The following AGO3 variants were observed in gnomAD, a reference collection of about 807,000 sequenced individuals.
AGO3 encodes the protein protein argonaute-3.
A neutral mutation model predicts 105.5 loss-of-function variants in AGO3; 16 were observed. The ratio of observed to expected loss-of-function variants is 0.15; its 90% CI spans 0.10 to 0.23. The LOEUF (loss-of-function observed/expected upper bound fraction) is 0.23. Ranked by LOEUF, AGO3 falls within the 10% of genes least tolerant of loss-of-function variation. AGO3 has a pLI of 1.00. For missense variants in AGO3, 534 were observed against 1,088.0 expected (o/e 0.49, Z 7.16); for synonymous variants, 340 against 367.3 (o/e 0.93, Z 0.85).
rs1165674643 is a variant in AGO3 at position 35,972,206 on chromosome 1, G to T, written c.495G>T (p.Val165=). Residue 165 remains valine (V), a synonymous_variant, in exon 4 of 19, where the codon GTG becomes GTT. Coordinates refer to ENST00000373191, the MANE Select transcript of AGO3 (RefSeq NM_024852.4). ...CTAACCCTGTCCATGCCGTTGATGTGGTGCTACGACATCTGCCCTCCATGA... is the reference window on the plus strand; with the variant it reads ...CTAACCCTGTCCATGCCGTTGATGTTGTGCTACGACATCTGCCCTCCATGA... ...ISTNPVHAVD[V]VLRHLPSMKY... The T allele has an allele frequency of 5.6e-6, 9 of 1,613,730 alleles. No homozygotes were observed. Among genetic ancestry groups the T allele is most frequent in the Non-Finnish European group, 7.6e-6 (9 of 1,180,008 alleles).
chr1:35,944,641 C>T (rs887503729), intron 1 of AGO3, among the ~76,000 whole-genome samples: 14 of 144,964 alleles, frequency 9.7e-5, no homozygotes. Flanking sequence ...GCTGGAACTA[C>T]AGGCCTGCAC....
Position 36,065,556 on chromosome 1 carries a change from C to T in AGO3, c.*9811C>T. The T allele has an allele frequency of 6.6e-6, 1 of 152,628 alleles. No individual in the cohort carries two copies. The highest frequency in any genetic ancestry group is 1.5e-5 in the Non-Finnish European group (1 of 68,354). 9.5% of individuals were successfully genotyped at this position (152,628 alleles called of 1,614,324 possible). ...CTGGGAGGCGGAGGTTGCAGTGAGC[C>T]AAGATTGCACCGCTGCACTCCAGCC... is the stretch of plus-strand genomic sequence containing the variant. On this transcript the variant is annotated 3_prime_UTR_variant, in exon 19 of 19. Transcript: ENST00000373191.
rs185070927 is a variant in AGO3, at chr1:35,991,432, C to A, written c.659-12909C>A. Among the ~76,000 whole-genome samples, 48 of 152,006 alleles carry A rather than the reference C, an allele frequency of 3.2e-4. 1 individual carries two copies. In the East Asian group the frequency reaches 6.9e-3, roughly 22 times the overall value. On this transcript the variant is annotated intron_variant, in intron 5 of 18. Coordinates refer to ENST00000373191, the MANE Select transcript of AGO3 (RefSeq NM_024852.4). ...CAGCTGTCTTCTTGAGATCACACTT[C>A]ACTGTTGCCCTGGGAATTCCTTTTG...
chr1:36,069,918 A>G lies in AGO3; in HGVS notation c.*14173A>G, dbSNP rs1643139344. On this transcript the variant is annotated 3_prime_UTR_variant, in exon 19 of 19. Coordinates refer to ENST00000373191, the MANE Select transcript of AGO3 (RefSeq NM_024852.4). The stretch of plus-strand genomic sequence containing the variant: ...CTAAAGATACAAAAATTAGCTGGGC[A>G]CGATGGAGGGTGCCTGTAATCCCAG... The G allele has an allele frequency of 6.6e-6, 1 of 152,190 alleles. No individual in the cohort carries two copies. Among genetic ancestry groups the G allele is most frequent in the South Asian group, 2.1e-4 (1 of 4,832 alleles). The allele number at this position is 152,190 out of a possible 1,614,324, so 9.4% of individuals were successfully genotyped here. A position where few individuals can be genotyped will look rare whatever the true frequency, so the allele number is the denominator to read the frequency against.
At chr1:36,036,056 T>C in intron 13 of AGO3, 121 bp from the exon 14 acceptor site, 2 of 754,172 alleles carry the variant, frequency 2.7e-6, no homozygotes. Flanking sequence ...AAAAAAAATT[T>C]GGATTACATA....
chr1:36,020,500 A>G (rs189606372), intron 11 of AGO3, among the ~76,000 whole-genome samples: 7 of 152,334 alleles, frequency 4.6e-5, no homozygotes, highest in African/African-American at 1.2e-4. Flanking sequence ...CCAGAAACCT[A>G]TCTTCAGGAG....
At chr1:35,948,929 A>G (rs1237925642) in intron 2 of AGO3, among the ~76,000 whole-genome samples, 1 of 151,340 alleles carries the variant, frequency 6.6e-6, no homozygotes, top group Non-Finnish European at 1.5e-5. Context: ...GTTTTTATTT[A>G]TTTTATTATT....
At chr1:36,011,809 T>C (rs1159301600) in intron 9 of AGO3, among the ~76,000 whole-genome samples, 1 of 152,200 alleles carries the variant, frequency 6.6e-6, no homozygotes, top group Non-Finnish European at 1.5e-5. Flanking sequence ...ATCATTTTAC[T>C]TTACTGAGCT....
chr1:35,995,954 C>T (rs762147480), intron 5 of AGO3, among the ~76,000 whole-genome samples: 2 of 151,726 alleles, frequency 1.3e-5, no homozygotes, highest in African/African-American at 4.8e-5. Flanking sequence ...GCTGGGATTA[C>T]AGGCATAAGC....
intron 5 of AGO3, chr1:36,004,086 A>C: frequency 3.3e-6 from 1 of 303,232 alleles, no homozygotes; most frequent in Admixed American, 4.8e-5. Flanking sequence ...CACCCAGAAC[A>C]CTTCTCTATA....
intron 1 of AGO3, among the ~76,000 whole-genome samples, chr1:35,934,244 C>T (rs959842497): frequency 3.3e-5 from 5 of 152,160 alleles, no homozygotes; most frequent in African/African-American, 9.7e-5. Context: ...TCTATGTTTT[C>T]AGGTAATGTT....
At position 36,021,067 on chromosome 1, in the gene AGO3, G is replaced by A. The variant is rs576756716; in HGVS notation, c.1407-6047G>A. Among the ~76,000 whole-genome samples the A allele has an allele frequency of 2.6e-5, 4 of 152,118 alleles. No homozygotes were observed. The South Asian group carries it at 8.3e-4, about 32-fold the overall frequency. On this transcript the variant is annotated intron_variant, in intron 11 of 18. Transcript: ENST00000373191. ...CCTGCCTCAGCCTCTCGAGTAGCTG[G>A]TATTACAGGTGTGTGCCACCATGCC...
Position 36,055,261 on chromosome 1 carries a change from G to A in AGO3, c.2474+116G>A. The A allele has an allele frequency of 9.0e-7, 1 of 1,113,508 alleles. No homozygotes were observed. Among genetic ancestry groups the A allele is most frequent in the East Asian group, 2.6e-5 (1 of 38,742 alleles). The allele number at this position is 1,113,508 out of a possible 1,614,324, so 69.0% of individuals were successfully genotyped here. ...GTGATCCATGTGAAAAATGATGACA[G>A]AACTGACTGCCCAAGGTTTCCTATT... is the stretch of plus-strand genomic sequence containing the variant. On this transcript the variant is annotated intron_variant, in intron 18 of 18. Transcript: ENST00000373191. This position sits in a 1 kb window ranked among gnomAD's most constrained non-coding sequence, Gnocchi z 4.4.
intron 3 of AGO3, among the ~76,000 whole-genome samples, chr1:35,967,399 A>ATTTATTTTAT (rs57271371): frequency 7.3e-5 from 11 of 150,236 alleles, no homozygotes; most frequent in Non-Finnish European, 1.0e-4. Flanking sequence ...CCCCATTAAT[A>ATTTATTTTAT]TTTATTTTAT....
chr1:36,004,968 T>C (rs1193170487), intron 6 of AGO3, among the ~76,000 whole-genome samples: 4 of 152,182 alleles, frequency 2.6e-5, no homozygotes, highest in Non-Finnish European at 5.9e-5. Flanking sequence ...ATATAAGTTA[T>C]AGAGTTGACT....
chr1:35,975,979 G>A (rs188888196), intron 5 of AGO3, among the ~76,000 whole-genome samples: 124 of 144,080 alleles, frequency 8.6e-4, no homozygotes, highest in African/African-American at 2.9e-3. Context: ...ACAGAGTTTC[G>A]CTCTGGAGTA....
intron 14 of AGO3, among the ~76,000 whole-genome samples, chr1:36,037,732 G>C (rs1265533728): frequency 6.6e-6 from 1 of 151,974 alleles, no homozygotes; most frequent in East Asian, 1.9e-4. Flanking sequence ...TGTTATACAT[G>C]AATTATTTTC....
chr1:35,949,413 A>G (rs1482324838), intron 2 of AGO3, among the ~76,000 whole-genome samples: 2 of 152,178 alleles, frequency 1.3e-5, no homozygotes, highest in East Asian at 3.8e-4. Flanking sequence ...TTACTGCATG[A>G]CTAGTCAGTT....
intron 17 of AGO3, among the ~76,000 whole-genome samples, chr1:36,048,792 C>T (rs1183461415): frequency 2.6e-5 from 4 of 152,142 alleles, no homozygotes; most frequent in African/African-American, 4.8e-5. Flanking sequence ...TGGGCTCAGG[C>T]GATCCTCTTG....
Sources: allele counts gnomAD v4.1 joint callset (sites outside exome capture counted in the v4.1 genomes callset), GRCh38; gene constraint gnomAD v4.1.1; non-coding constraint Gnocchi (gnomAD v3.1); transcripts MANE v1.5; gene names NCBI Gene and HGNC (gene_info 2026-07-23, HGNC 2026-07-21).